Variants in MAPRE3 observed in about 807,000 individuals in gnomAD.
MAPRE3 encodes the protein microtubule associated protein RP/EB family member 3, also known as microtubule-associated protein RP/EB family member 3.
MAPRE3 carries 2 observed loss-of-function variants against 30.5 expected under a neutral mutation model. The observed-to-expected ratio is 0.07, with a 90% CI of 0.03 to 0.21. MAPRE3 has a LOEUF of 0.21. Ranked by LOEUF, MAPRE3 falls within the 10% of genes least tolerant of loss-of-function variation. The pLI is 1.00. For synonymous variants in MAPRE3, 110 were observed against 127.7 expected (o/e 0.86, Z 0.93); for missense variants, 204 against 351.8 (o/e 0.58, Z 3.36).
In MAPRE3 at chr2:26,981,370, T is replaced by C. The variant is rs116705927; in HGVS notation, c.-8+10568T>C. The stretch of plus-strand genomic sequence containing the variant: ...CGGAGGTAGAGGAAGGGCCACAAGT[T>C]GAAGACAGGCGCTGGTTGTCAGCCA... On this transcript the variant is annotated intron_variant, in intron 1 of 6. Coordinates refer to ENST00000233121, the MANE Select transcript of MAPRE3 (RefSeq NM_012326.4). 8.4e-3 allele frequency among the ~76,000 whole-genome samples: 1,269 copies of C among 151,948 alleles called. 18 individuals are homozygous for C. Among genetic ancestry groups the C allele is most frequent in the African/African-American group, 0.03 (1,233 of 41,422 alleles).
At chr2:27,014,399 T>A (rs1666934621) in intron 1 of MAPRE3, 2 of 152,234 alleles carry the variant, frequency 1.3e-5, no homozygotes, top group Non-Finnish European at 2.9e-5. Context: ...GCAGGACATG[T>A]CCAGGATCCC....
At chr2:26,981,761 G>A (rs1666117612) in intron 1 of MAPRE3, among the ~76,000 whole-genome samples, 1 of 152,128 alleles carries the variant, frequency 6.6e-6, no homozygotes, top group South Asian at 2.1e-4. Flanking sequence ...TGTGGTCTCA[G>A]CTTGTCACAA....
At chr2:27,017,712 G>A (rs1229936657) in intron 1 of MAPRE3, among the ~76,000 whole-genome samples, 4 of 152,196 alleles carry the variant, frequency 2.6e-5, no homozygotes, top group Admixed American at 6.5e-5. Context: ...ACAAAAGCCA[G>A]TAAATCACAG....
At chr2:27,006,176 C>T (rs975469025) in intron 1 of MAPRE3, among the ~76,000 whole-genome samples, 3 of 151,656 alleles carry the variant, frequency 2.0e-5, no homozygotes, top group African/African-American at 4.9e-5. Context: ...AGCGAGACCC[C>T]GTCTCAAAAA....
chr2:26,987,612 T>G (rs921848811), intron 1 of MAPRE3, among the ~76,000 whole-genome samples: 1 of 152,116 alleles, frequency 6.6e-6, no homozygotes, highest in Admixed American at 6.5e-5. Context: ...CACTCCAGCC[T>G]GGGAAACAAG....
chr2:27,017,698 T>TG (rs1475604641), intron 1 of MAPRE3, among the ~76,000 whole-genome samples: 2 of 152,170 alleles, frequency 1.3e-5, no homozygotes, highest in East Asian at 3.8e-4. Context: ...CCTTTGCCAT[T>TG]GCAACAAAAG....
At chr2:27,024,061 T>C in intron 3 of MAPRE3, 35 bp from the exon 4 acceptor site, 1 of 1,542,858 alleles carries the variant, frequency 6.5e-7, no homozygotes, top group Non-Finnish European at 9.0e-7. Context: ...CAGCAGCAGG[T>C]GGCTAAAGTA....
intron 1 of MAPRE3, among the ~76,000 whole-genome samples, chr2:27,008,902 T>C (rs1666788786): frequency 6.6e-6 from 1 of 152,108 alleles, no homozygotes; most frequent in African/African-American, 2.4e-5. Context: ...GTGCAACAAC[T>C]TGGATGGAAG....
At chr2:26,977,302 T>G (rs777168037) in intron 1 of MAPRE3, among the ~76,000 whole-genome samples, 34 of 152,232 alleles carry the variant, frequency 2.2e-4, no homozygotes, top group Non-Finnish European at 4.4e-4. Flanking sequence ...AGATTCCATG[T>G]AGTAGAGCAA....
Position 27,025,979 on chromosome 2 carries a change from A to G in MAPRE3, c.724A>G (p.Ser242Gly), listed in dbSNP as rs751282252. Residue 242 changes from serine (S) to glycine (G), a missense_variant, in exon 6 of 7, where the codon AGT (serine) becomes GGT (glycine). Coordinates refer to ENST00000233121, the MANE Select transcript of MAPRE3 (RefSeq NM_012326.4). ...DIELICQEHE[S>G]ENSPVISGII... is the part of the protein sequence containing the mutation. ...CGAGCTCATCTGCCAGGAGCATGAA[A>G]GTGAAAACAGCCCTGTTATCTCAGG... is the stretch of plus-strand genomic sequence containing the variant. 3.5e-5 allele frequency: 56 copies of G among 1,614,124 alleles called. No individual in the cohort carries two copies. Among genetic ancestry groups the G allele is most frequent in the Non-Finnish European group, 4.6e-5 (54 of 1,180,042 alleles).
intron 1 of MAPRE3, among the ~76,000 whole-genome samples, chr2:26,979,571 G>C (rs918780083): frequency 6.6e-6 from 1 of 152,188 alleles, no homozygotes; most frequent in Non-Finnish European, 1.5e-5. Flanking sequence ...GGGTGGCAGA[G>C]TAAGGGCCAA....
intron 1 of MAPRE3, among the ~76,000 whole-genome samples, chr2:26,982,321 C>A (rs1666133823): frequency 6.6e-6 from 1 of 152,216 alleles, no homozygotes. Flanking sequence ...GCCACAGGGG[C>A]TGATAGCAGG....
chr2:26,978,299 G>T (rs1002343064), intron 1 of MAPRE3, among the ~76,000 whole-genome samples: 16 of 152,202 alleles, frequency 1.1e-4, no homozygotes, highest in African/African-American at 3.9e-4. Flanking sequence ...AAAGGGGCAG[G>T]TCTTAGACCA....
chr2:26,974,802 GA>G lies in MAPRE3; in HGVS notation c.-8+4003del, dbSNP rs1248674964. ...TACAGGGTTGTTGTGAAGATTAAATGAAAGGGAGTATGTAGAGTGCTTGCTT... is the reference window on the plus strand; with the variant it reads ...TACAGGGTTGTTGTGAAGATTAAATGAAGGGAGTATGTAGAGTGCTTGCTT... On this transcript the variant is annotated intron_variant, in intron 1 of 6. Transcript: ENST00000233121. 2.0e-5 allele frequency among the ~76,000 whole-genome samples: 3 copies of G among 152,340 alleles called. No individual in the cohort carries two copies. In the East Asian group the frequency reaches 5.8e-4, roughly 29 times the overall value.
chr2:26,975,607 G>T (rs761381942), intron 1 of MAPRE3, among the ~76,000 whole-genome samples: 4 of 152,218 alleles, frequency 2.6e-5, no homozygotes, highest in Non-Finnish European at 4.4e-5. Context: ...TGGGATTTGG[G>T]TGTGGGGAAG....
chr2:27,004,041 A>G, intron 1 of MAPRE3, among the ~76,000 whole-genome samples: 1 of 152,118 alleles, frequency 6.6e-6, no homozygotes, highest in Non-Finnish European at 1.5e-5. Flanking sequence ...TTCCCCTTCC[A>G]TGAGTCATCT....
chr2:27,006,210 A>AC (rs1178211480), intron 1 of MAPRE3, among the ~76,000 whole-genome samples: 42 of 151,898 alleles, frequency 2.8e-4, no homozygotes, highest in African/African-American at 9.0e-4. Flanking sequence ...AAAAACAAAA[A>AC]AAAAACAAGT....
intron 3 of MAPRE3, 140 bp from the exon 4 acceptor site, chr2:27,023,956 G>A (rs1034065550): frequency 6.4e-5 from 41 of 645,590 alleles, no homozygotes; most frequent in South Asian, 2.0e-4. Flanking sequence ...CTCTGGTGCC[G>A]TGGGAGGGGG....
intron 1 of MAPRE3, among the ~76,000 whole-genome samples, chr2:27,004,898 G>A (rs925959260): frequency 2.4e-4 from 36 of 151,742 alleles, no homozygotes; most frequent in Admixed American, 2.0e-3. Context: ...TCTCAAACTC[G>A]ACAGCCCAAA....
Sources: allele counts gnomAD v4.1 joint callset (sites outside exome capture counted in the v4.1 genomes callset), GRCh38; gene constraint gnomAD v4.1.1; transcripts MANE v1.5; gene names NCBI Gene and HGNC (gene_info 2026-07-23, HGNC 2026-07-21).